Variants in PCSK5 observed in about 807,000 individuals in gnomAD.
PCSK5 encodes the protein prohormone convertase 5.
PCSK5 carries 129 observed loss-of-function variants against 233.2 expected under a neutral mutation model. The ratio of observed to expected loss-of-function variants is 0.55; its 90% confidence interval spans 0.48 to 0.64. The LOEUF (loss-of-function observed/expected upper bound fraction) is 0.64. PCSK5 is among the 30% of genes least tolerant of loss of function. The probability of loss-of-function intolerance (pLI) is 0.00; values close to 1 mark genes in which losing one functional copy is unlikely to be tolerated. For synonymous variants in PCSK5, 825 were observed against 879.2 expected, an observed-to-expected ratio of 0.94 and a Z score of 1.09; for missense variants, 2,076 against 2,430.1, an observed-to-expected ratio of 0.85 and a Z score of 3.06.
intron 8 of PCSK5, among the ~76,000 whole-genome samples, chr9:76,099,525 A>G (rs753861722): frequency 3.3e-5 from 5 of 152,256 alleles, no homozygotes; most frequent in East Asian, 3.9e-4. Flanking sequence ...TTTCCAATCT[A>G]TAAAACACTG....
intron 24 of PCSK5, among the ~76,000 whole-genome samples, chr9:76,273,885 C>A (rs986429517): frequency 6.6e-6 from 1 of 150,418 alleles, no homozygotes; most frequent in African/African-American, 2.4e-5. Flanking sequence ...CAGGCTCAAG[C>A]AAGCCTCTTG....
chr9:76,157,421 T>C (rs1822636934), intron 11 of PCSK5, among the ~76,000 whole-genome samples: 1 of 149,338 alleles, frequency 6.7e-6, no homozygotes, highest in Admixed American at 6.6e-5. Context: ...CTTGAAAGTT[T>C]TCTACTGTCG....
At position 75,940,170 on chromosome 9, in the gene PCSK5, A is replaced by G. The variant is rs536538813; in HGVS notation, c.297+7687A>G. Among the ~76,000 whole-genome samples, 24 of 152,352 alleles carry G rather than the reference A, an allele frequency of 1.6e-4. 1 individual carries two copies. Among genetic ancestry groups the G allele is most frequent in the African/African-American group, 4.8e-4 (20 of 41,580 alleles). ...ACCATCAGACAGGGCAAACATTTCT[A>G]TATTTTAAGAGATTTAACGTGTTGG... On this transcript the variant is annotated intron_variant, in intron 2 of 37. Coordinates refer to ENST00000674117, the MANE Select transcript of PCSK5 (RefSeq NM_001372043.1).
chr9:76,162,565 T>A (rs1007198705), intron 12 of PCSK5, among the ~76,000 whole-genome samples: 1 of 151,978 alleles, frequency 6.6e-6, no homozygotes, highest in East Asian at 1.9e-4. Context: ...AGAGGTCAGG[T>A]TTTAGAAGGA....
At chr9:76,151,758 C>A (rs1473539128) in intron 10 of PCSK5, among the ~76,000 whole-genome samples, 2 of 152,180 alleles carry the variant, frequency 1.3e-5, no homozygotes, top group Non-Finnish European at 2.9e-5. Flanking sequence ...TGACTGATTT[C>A]TTACTCTTTG....
intron 5 of PCSK5, among the ~76,000 whole-genome samples, chr9:76,053,917 C>A (rs1039020117): frequency 6.6e-6 from 1 of 152,150 alleles, no homozygotes; most frequent in Non-Finnish European, 1.5e-5. Context: ...TGTTCTCATG[C>A]TGCTAATAAA....
At chr9:76,358,308 C>G (rs370557916) in intron 37 of PCSK5, among the ~76,000 whole-genome samples, 4 of 151,928 alleles carry the variant, frequency 2.6e-5, no homozygotes, top group East Asian at 3.9e-4. Flanking sequence ...GAGTTTGAGA[C>G]CAGCCAGGGC....
chr9:76,154,290 T>C (rs1823794319), intron 10 of PCSK5, among the ~76,000 whole-genome samples: 1 of 152,200 alleles, frequency 6.6e-6, no homozygotes, highest in African/African-American at 2.4e-5. Flanking sequence ...AGGGTAGAAA[T>C]TGAATTGGAA....
intron 21 of PCSK5, among the ~76,000 whole-genome samples, chr9:76,228,498 C>A (rs893760551): frequency 4.4e-4 from 67 of 152,146 alleles, no homozygotes; most frequent in African/African-American, 1.6e-3. Context: ...TACCACAGTT[C>A]GGGGATAATA....
intron 3 of PCSK5, among the ~76,000 whole-genome samples, chr9:76,000,810 G>A (rs534253938): frequency 1.3e-5 from 2 of 152,226 alleles, no homozygotes; most frequent in South Asian, 2.1e-4. Flanking sequence ...GTCCTTTAAT[G>A]TGACCCCAGT....
chr9:75,957,950 G>C (rs1825168287), intron 2 of PCSK5, among the ~76,000 whole-genome samples: 1 of 152,112 alleles, frequency 6.6e-6, no homozygotes, highest in Admixed American at 6.6e-5. Flanking sequence ...CTAAGAGCGG[G>C]CAAATGGATC....
At chr9:76,012,965 A>G (rs1827793584) in intron 3 of PCSK5, among the ~76,000 whole-genome samples, 1 of 152,232 alleles carries the variant, frequency 6.6e-6, no homozygotes, top group African/African-American at 2.4e-5. Flanking sequence ...TAGAACTGTT[A>G]GAATATTCAA....
chr9:76,156,694 G>C (rs929464886), intron 10 of PCSK5, among the ~76,000 whole-genome samples: 1 of 152,200 alleles, frequency 6.6e-6, no homozygotes, highest in Admixed American at 6.5e-5. Context: ...TCTTGGCCAA[G>C]TTTTTCTGTT....
chr9:76,212,746 T>C (rs1053576168), intron 20 of PCSK5, among the ~76,000 whole-genome samples: 1 of 152,238 alleles, frequency 6.6e-6, no homozygotes, highest in African/African-American at 2.4e-5. Flanking sequence ...AGACAAACCC[T>C]GTGCTAAGTG....
intron 35 of PCSK5, among the ~76,000 whole-genome samples, chr9:76,346,730 G>A (rs921700735): frequency 5.9e-5 from 9 of 151,686 alleles, no homozygotes; most frequent in African/African-American, 2.2e-4. Flanking sequence ...TTTTTCTCAC[G>A]GGATATAAAC....
At position 75,904,028 on chromosome 9, in the gene PCSK5, C is replaced by A. The variant is rs921137821; in HGVS notation, c.192+12655C>A. Among the ~76,000 whole-genome samples, 11 of 152,246 alleles carry A rather than the reference C, an allele frequency of 7.2e-5. No homozygotes were observed. In the East Asian group the frequency reaches 1.2e-3, roughly 16 times the overall value. On this transcript the variant is annotated intron_variant, in intron 1 of 37. Transcript: ENST00000674117. ...GGATTTATTACAGGCTAGCTTCCAGCAAGACCTTTTTTTCTTTATTTTTAA... is the reference window on the plus strand; with the variant it reads ...GGATTTATTACAGGCTAGCTTCCAGAAAGACCTTTTTTTCTTTATTTTTAA...
chr9:76,199,474 G>A (rs1386479555), intron 20 of PCSK5, among the ~76,000 whole-genome samples: 3 of 152,144 alleles, frequency 2.0e-5, no homozygotes, highest in African/African-American at 4.8e-5. Flanking sequence ...GATATGATGT[G>A]AGACCTGCAG....
At chr9:76,137,594 T>A (rs1258394011) in intron 10 of PCSK5, among the ~76,000 whole-genome samples, 1 of 152,158 alleles carries the variant, frequency 6.6e-6, no homozygotes, top group Admixed American at 6.5e-5. Flanking sequence ...GTTCATCTTG[T>A]GAATAATCCT....
chr9:76,130,244 CAAGA>C (rs1822702762), intron 9 of PCSK5, among the ~76,000 whole-genome samples: 1 of 152,058 alleles, frequency 6.6e-6, no homozygotes, highest in South Asian at 2.1e-4. Context: ...TCAACAGAGT[CAAGA>C]AAGAGAGTGT....
Sources: gnomAD v4.1 joint callset for allele counts (sites outside exome capture counted in the v4.1 genomes callset) on GRCh38, gnomAD v4.1.1 for gene constraint, MANE v1.5 for transcripts, NCBI Gene and HGNC (gene_info 2026-07-23, HGNC 2026-07-21) for gene names.